Variants in NUDT6 observed in about 807,000 individuals in gnomAD.
NUDT6 encodes the protein FAD diphosphatase NUDT6.
A neutral mutation model predicts 36.8 loss-of-function variants in NUDT6; 24 were observed. The ratio of observed to expected loss-of-function variants is 0.65; its 90% CI spans 0.47 to 0.92. The LOEUF (loss-of-function observed/expected upper bound fraction) is 0.92. NUDT6 is among the 40% of genes least tolerant of loss of function. The pLI is 0.00. For synonymous variants in NUDT6, 163 were observed against 157.0 expected (o/e 1.04, Z -0.29); for missense variants, 388 against 392.8 (o/e 0.99, Z 0.10).
intron 4 of NUDT6, chr4:122,896,854 A>G (rs1727372788): frequency 6.6e-6 from 1 of 152,190 alleles, no homozygotes; most frequent in Admixed American, 6.5e-5. Context: ...CATGCATATT[A>G]AGGAAAAGGT....
At chr4:122,900,048 A>ACCCCC (rs1242715908) in intron 3 of NUDT6, among the ~76,000 whole-genome samples, 2 of 77,244 alleles carry the variant, frequency 2.6e-5, no homozygotes, top group African/African-American at 5.9e-5. Flanking sequence ...ATGGTCATGC[A>ACCCCC]CCCCCGCCAC....
chr4:122,912,659 T>A, intron 2 of NUDT6, 36 bp from the exon 3 acceptor site: 1 of 1,306,648 alleles, frequency 7.7e-7, no homozygotes, highest in Non-Finnish European at 1.1e-6. Flanking sequence ...TTGAGAAATA[T>A]TAATTTCATT....
intron 3 of NUDT6, among the ~76,000 whole-genome samples, chr4:122,901,219 T>C (rs910014658): frequency 6.6e-6 from 1 of 152,184 alleles, no homozygotes; most frequent in Non-Finnish European, 1.5e-5. Context: ...TAAGCATATC[T>C]GATTTTCACA....
chr4:122,920,385 T>C (rs1430992036), intron 1 of NUDT6: 1 of 152,244 alleles, frequency 6.6e-6, no homozygotes, highest in Non-Finnish European at 1.5e-5. Flanking sequence ...GAGGATTAAT[T>C]ACTATTTATA....
chr4:122,908,486 C>T (rs1440194778), intron 3 of NUDT6, among the ~76,000 whole-genome samples: 1 of 152,188 alleles, frequency 6.6e-6, no homozygotes, highest in African/African-American at 2.4e-5. Flanking sequence ...CTTTAAACAT[C>T]CTGCCTCTTC....
intron 3 of NUDT6, among the ~76,000 whole-genome samples, chr4:122,900,343 C>T (rs1727495338): frequency 6.8e-6 from 1 of 147,414 alleles, no homozygotes; most frequent in Admixed American, 6.6e-5. Context: ...ATTTAAACTT[C>T]CTTTTTTTCC....
intron 4 of NUDT6, 146 bp downstream of exon 4, chr4:122,897,478 A>T (rs45628734): frequency 0.017 from 11,469 of 663,584 alleles, 140 homozygotes; most frequent in Non-Finnish European, 0.025. Flanking sequence ...TAATTATATC[A>T]GCTCTGAGGT....
intron 2 of NUDT6, among the ~76,000 whole-genome samples, chr4:122,916,735 C>T (rs979072370): frequency 6.6e-6 from 1 of 152,146 alleles, no homozygotes; most frequent in Non-Finnish European, 1.5e-5. Flanking sequence ...ATACTGTAGT[C>T]CCCCTTGTCC....
At chr4:122,895,036 C>G (rs1727307823) in intron 4 of NUDT6, 1 of 152,188 alleles carries the variant, frequency 6.6e-6, no homozygotes, top group African/African-American at 2.4e-5. Flanking sequence ...AAAATCAGCA[C>G]TGCCTGAGTA....
intron 1 of NUDT6, chr4:122,919,901 C>T (rs1578501813): frequency 6.6e-6 from 1 of 152,162 alleles, no homozygotes; most frequent in African/African-American, 2.4e-5. Context: ...TGCACTGGGG[C>T]TCAATTTGTA....
At chr4:122,897,829 C>A in intron 3 of NUDT6, 151 bp from the exon 4 acceptor site, 1 of 612,800 alleles carries the variant, frequency 1.6e-6, no homozygotes, top group Non-Finnish European at 2.9e-6. Flanking sequence ...TCCATCCTTT[C>A]TCCCTCGTTT....
intron 3 of NUDT6, among the ~76,000 whole-genome samples, chr4:122,908,109 A>G (rs1014686655): frequency 3.7e-5 from 4 of 108,086 alleles, no homozygotes; most frequent in South Asian, 2.5e-4. Flanking sequence ...GGGGACCCCA[A>G]AAAAATCTTA....
chr4:122,902,061 A>C (rs564534779), intron 3 of NUDT6, among the ~76,000 whole-genome samples: 503 of 152,312 alleles, frequency 3.3e-3, no homozygotes, highest in African/African-American at 0.012. Context: ...AGTCTTTAAT[A>C]ATCCTATCGC....
In NUDT6 at chr4:122,922,381, A is replaced by C. The variant is rs1728069147; in HGVS notation, c.192T>G (p.Asp64Glu). ...GGISVRLARL[D>E]ALDRLDAAAF... Reference sequence around the variant, plus strand: ...CGGCAGCGTCCAGGCGGTCCAGCGCATCGAGCCGCGCCAGGCGCACCGAGA... The same window carrying C: ...CGGCAGCGTCCAGGCGGTCCAGCGCCTCGAGCCGCGCCAGGCGCACCGAGA... Residue 64 changes from aspartate to glutamate, a missense_variant, in exon 1 of 5, where the codon GAT becomes GAG. Transcript: ENST00000304430. 9 of 1,607,266 alleles carry C rather than the reference A, an allele frequency of 5.6e-6. No homozygotes were observed. In the East Asian group the frequency reaches 1.6e-4, roughly 28 times the overall value.
At chr4:122,922,608 C>A, upstream of NUDT6, 1 of 1,540,020 alleles carries the variant, frequency 6.5e-7, no homozygotes, top group South Asian at 1.2e-5. Flanking sequence ...GCCCAAATGA[C>A]CCCTCCGCGC....
chr4:122,907,851 C>G (rs750222129), intron 3 of NUDT6, among the ~76,000 whole-genome samples: 150 of 152,280 alleles, frequency 9.9e-4, no homozygotes, highest in Admixed American at 3.3e-4. Flanking sequence ...ATCAGGACCC[C>G]CTTCTGGTAA....
intron 4 of NUDT6, chr4:122,897,397 A>T: frequency 1.9e-6 from 1 of 529,220 alleles, no homozygotes; most frequent in Non-Finnish European, 3.4e-6. Context: ...TAAACAGAAG[A>T]ATAGGTGGTA....
intron 1 of NUDT6, 96 bp from the exon 2 acceptor site, chr4:122,917,800 C>T (rs1727876825): frequency 3.5e-6 from 4 of 1,127,196 alleles, no homozygotes; most frequent in Non-Finnish European, 5.0e-6. Context: ...AGGAAACCAT[C>T]TTTAAGCAAA....
At chr4:122,914,501 C>A (rs12513181) in intron 2 of NUDT6, among the ~76,000 whole-genome samples, 93,231 of 152,010 alleles carry the variant, frequency 0.61, 32,200 homozygotes, top group East Asian at 0.95. Context: ...ACAATTTGAG[C>A]GACCTCTGCT....
Sources: gnomAD v4.1 joint callset for allele counts (sites outside exome capture counted in the v4.1 genomes callset) on GRCh38, gnomAD v4.1.1 for gene constraint, MANE v1.5 for transcripts, NCBI Gene and HGNC (gene_info 2026-07-23, HGNC 2026-07-21) for gene names.